DOCK3: variants seen among roughly 807,000 people sequenced by gnomAD.
The protein encoded by DOCK3 is dedicator of cytokinesis protein 3.
A neutral mutation model predicts 265.6 loss-of-function variants in DOCK3; 60 were observed. The observed-to-expected ratio is 0.23, with a 90% CI of 0.18 to 0.28. The LOEUF is 0.28. DOCK3 is among the 10% of genes least tolerant of loss of function. The pLI is 1.00. For missense variants in DOCK3, 1,981 were observed against 2,594.3 expected, an observed-to-expected ratio of 0.76 and a Z score of 5.14; for synonymous variants, 881 against 938.0, an observed-to-expected ratio of 0.94 and a Z score of 1.11.
chr3:50,881,752 T>C (rs984191402), intron 3 of DOCK3, among the ~76,000 whole-genome samples: 2 of 152,132 alleles, frequency 1.3e-5, no homozygotes, highest in African/African-American at 4.8e-5. Context: ...CTTCACAGAA[T>C]TGGAAAAAAC....
chr3:51,051,122 T>C (rs1258272029), intron 5 of DOCK3, among the ~76,000 whole-genome samples: 1 of 152,166 alleles, frequency 6.6e-6, no homozygotes, highest in South Asian at 2.1e-4. Flanking sequence ...AATGTAAAGG[T>C]TGGCTTAGTC....
At chr3:50,908,176 A>ATTT (rs34822979) in intron 4 of DOCK3, among the ~76,000 whole-genome samples, 11 of 103,086 alleles carry the variant, frequency 1.1e-4, no homozygotes, top group African/African-American at 3.7e-4. Flanking sequence ...AGATTCATTG[A>ATTT]TTTTTTTTTT....
chr3:51,320,317 C>A, intron 32 of DOCK3, among the ~76,000 whole-genome samples: 1 of 152,242 alleles, frequency 6.6e-6, no homozygotes, highest in African/African-American at 2.4e-5. Context: ...TCACCACCCA[C>A]ACACCAGGAG....
At chr3:51,211,769 A>G (rs1450905871) in intron 13 of DOCK3, among the ~76,000 whole-genome samples, 1 of 152,222 alleles carries the variant, frequency 6.6e-6, no homozygotes, top group Non-Finnish European at 1.5e-5. Flanking sequence ...ATTGATGGAC[A>G]CTTGGGTTGG....
chr3:51,308,883 C>T (rs1172795136), intron 27 of DOCK3, among the ~76,000 whole-genome samples: 96 of 141,970 alleles, frequency 6.8e-4, no homozygotes, highest in African/African-American at 2.1e-3. Flanking sequence ...GGCTGCCGGG[C>T]GGAGGGTCTC....
intron 23 of DOCK3, among the ~76,000 whole-genome samples, chr3:51,268,892 C>G (rs1181848697): frequency 1.3e-5 from 2 of 152,048 alleles, no homozygotes; most frequent in Non-Finnish European, 2.9e-5. Context: ...CCTCCCACAG[C>G]CAAAATATGG....
chr3:50,936,187 A>T (rs2051350522), intron 5 of DOCK3, among the ~76,000 whole-genome samples: 1 of 152,058 alleles, frequency 6.6e-6, no homozygotes, highest in South Asian at 2.1e-4. Flanking sequence ...GCTCAATAGC[A>T]GCCTATAGAA....
chr3:51,275,004 C>G (rs919499474), intron 24 of DOCK3, 75 bp from the exon 25 acceptor site: 1 of 1,590,472 alleles, frequency 6.3e-7, no homozygotes, highest in South Asian at 1.1e-5. Flanking sequence ...TAGCTAAGTC[C>G]CACAATGCCA....
intron 2 of DOCK3, among the ~76,000 whole-genome samples, chr3:50,840,029 A>C (rs535200024): frequency 6.6e-6 from 1 of 151,528 alleles, no homozygotes; most frequent in Non-Finnish European, 1.5e-5. Context: ...AGCCTCCCAA[A>C]GTGCTGGGAT....
At chr3:50,694,519 G>A (rs1181543316) in intron 1 of DOCK3, among the ~76,000 whole-genome samples, 2 of 151,466 alleles carry the variant, frequency 1.3e-5, no homozygotes, top group African/African-American at 4.9e-5. Flanking sequence ...TAAAGAATGG[G>A]GCCAACAGGC....
intron 14 of DOCK3, among the ~76,000 whole-genome samples, chr3:51,215,090 G>A (rs1254845110): frequency 6.6e-6 from 1 of 152,112 alleles, no homozygotes; most frequent in Non-Finnish European, 1.5e-5. Flanking sequence ...TCTAGGAGGA[G>A]TGGACCTACC....
chr3:51,248,422 T>G (rs972491692), intron 22 of DOCK3, among the ~76,000 whole-genome samples: 59 of 152,354 alleles, frequency 3.9e-4, no homozygotes, highest in Non-Finnish European at 8.2e-4. Context: ...CTCCAGCTCC[T>G]AACCGCGAGT....
intron 1 of DOCK3, among the ~76,000 whole-genome samples, chr3:50,711,361 A>G (rs1044556767): frequency 6.0e-5 from 9 of 150,606 alleles, no homozygotes; most frequent in African/African-American, 2.0e-4. Context: ...TCCTGGGTTC[A>G]CATCATTCTC....
chr3:51,205,628 G>A (rs1259100648), intron 12 of DOCK3, among the ~76,000 whole-genome samples: 1 of 152,086 alleles, frequency 6.6e-6, no homozygotes, highest in Non-Finnish European at 1.5e-5. Context: ...CCTGAGCCTG[G>A]GGAGGTGAAG....
chr3:50,975,062 G>A (rs2077388968), intron 5 of DOCK3, among the ~76,000 whole-genome samples: 1 of 151,634 alleles, frequency 6.6e-6, no homozygotes, highest in Non-Finnish European at 1.5e-5. Context: ...GGATTTTCTA[G>A]ATATACAATC....
chr3:50,918,181 C>T (rs1046378705), intron 4 of DOCK3, among the ~76,000 whole-genome samples: 11 of 152,066 alleles, frequency 7.2e-5, no homozygotes, highest in Admixed American at 1.3e-4. Context: ...TGGGTTGGTT[C>T]CAAGTCTTTG....
intron 22 of DOCK3, among the ~76,000 whole-genome samples, chr3:51,251,277 A>G (rs2079215301): frequency 1.3e-5 from 2 of 152,192 alleles, no homozygotes; most frequent in African/African-American, 2.4e-5. Context: ...ATTGATGGAC[A>G]TTTGGGTTGG....
intron 5 of DOCK3, among the ~76,000 whole-genome samples, chr3:50,956,493 T>C (rs2076734096): frequency 6.6e-6 from 1 of 152,242 alleles, no homozygotes; most frequent in Admixed American, 6.5e-5. Flanking sequence ...AACTACAGGT[T>C]GGATTTTGGT....
chr3:51,278,416 G>C (rs931475949), intron 26 of DOCK3: 1 of 985,206 alleles, frequency 1.0e-6, no homozygotes, highest in Non-Finnish European at 1.2e-6. Context: ...AACAGTTTTC[G>C]TGGAATCTTT....
Sources: gnomAD v4.1 joint callset for allele counts (sites outside exome capture counted in the v4.1 genomes callset) on GRCh38, gnomAD v4.1.1 for gene constraint, MANE v1.5 for transcripts, NCBI Gene and HGNC (gene_info 2026-07-23, HGNC 2026-07-21) for gene names.